Variants in DNAH2 observed in about 807,000 individuals in gnomAD.
DNAH2 encodes axonemal beta dynein heavy chain 2.
Under a neutral mutation model 523.5 loss-of-function variants are expected in DNAH2, and 323 were observed. That is an observed-to-expected ratio of 0.62 (90% confidence interval 0.56 to 0.68). The LOEUF (loss-of-function observed/expected upper bound fraction) is 0.68, where lower values mean the gene tolerates loss of function less well. DNAH2 is among the 30% of genes least tolerant of loss of function. DNAH2 has a pLI of 0.00. For missense variants in DNAH2, 4,907 were observed against 5,701.5 expected, an observed-to-expected ratio of 0.86 and a Z score of 4.49; for synonymous variants, 2,093 against 2,177.4, an observed-to-expected ratio of 0.96 and a Z score of 1.08.
chr17:7,733,873 G>T (rs376824928), intron 5 of DNAH2, among the ~76,000 whole-genome samples: 3 of 152,106 alleles, frequency 2.0e-5, no homozygotes, highest in African/African-American at 4.8e-5. Flanking sequence ...AAGCACATGT[G>T]GGGGAAAGGG....
chr17:7,777,011 C>G (rs1394906291), intron 32 of DNAH2, 122 bp downstream of exon 32: 1 of 716,784 alleles, frequency 1.4e-6, no homozygotes, highest in African/African-American at 1.8e-5. Context: ...TGGCGAAACC[C>G]CTTCTTTACC....
intron 18 of DNAH2, among the ~76,000 whole-genome samples, chr17:7,761,929 G>A (rs527275766): frequency 2.0e-5 from 3 of 151,926 alleles, no homozygotes. Context: ...AAAGAAATGA[G>A]CAAGTTCTTT....
chr17:7,740,993 G>A lies in DNAH2; in HGVS notation c.1689+1G>A. 4 of 1,594,988 alleles carry A rather than the reference G, an allele frequency of 2.5e-6. No individual in the cohort carries two copies. In the African/African-American group the frequency reaches 4.0e-5, roughly 16 times the overall value. On this transcript the variant is annotated splice_donor_variant, in intron 11 of 85. Coordinates refer to ENST00000572933, the MANE Select transcript of DNAH2 (RefSeq NM_020877.5). LOFTEE classifies it high-confidence loss of function. Reference sequence around the variant, plus strand: ...GCGTCGCATCGACAGAGTCATGACCGTAAGTGCCTGGCCTTCTCCATATTC... The same window carrying A: ...GCGTCGCATCGACAGAGTCATGACCATAAGTGCCTGGCCTTCTCCATATTC...
chr17:7,727,068 AATG>A, intron 3 of DNAH2, 51 bp from the exon 4 acceptor site: 1 of 1,480,368 alleles, frequency 6.8e-7, no homozygotes, highest in Non-Finnish European at 8.9e-7. Flanking sequence ...GGATGGGAGG[AATG>A]ACTCATCCTG....
At position 7,774,945 on chromosome 17, in the gene DNAH2, T is replaced by A. The variant is rs2076408514; in HGVS notation, c.4688T>A (p.Phe1563Tyr). Residue 1563 changes from phenylalanine to tyrosine, a missense_variant, in exon 29 of 86, where the codon TTT becomes TAT. Physicochemically the swap from Phe to Tyr is conservative, Grantham distance 22. This residue lies in a region of DNAH2 where 2,806 missense variants were observed against 3,190.8 expected (regional missense o/e 0.88). Transcript: ENST00000572933. ...GTGCAGCCACACCTCAAAAAATGCT[T>A]TGACAACATCAAGTTGCTGAGAATC... ...EAVQPHLKKCFDNIKLLRIQK... is the reference protein window; with the variant it reads ...EAVQPHLKKCYDNIKLLRIQK... The A allele has an allele frequency of 1.2e-6, 2 of 1,614,096 alleles. No individual in the cohort carries two copies. Among genetic ancestry groups the A allele is most frequent in the East Asian group, 4.5e-5 (2 of 44,886 alleles).
intron 12 of DNAH2, 148 bp downstream of exon 12, chr17:7,743,290 TTC>T (rs780852317): frequency 4.9e-5 from 45 of 923,540 alleles, no homozygotes; most frequent in Admixed American, 6.1e-5. Flanking sequence ...TTTTTTTTTC[TTC>T]TTTTATTTTT....
At chr17:7,737,934 G>T in intron 8 of DNAH2, 1 of 701,640 alleles carries the variant, frequency 1.4e-6, no homozygotes, top group South Asian at 1.5e-5. Context: ...AGGAGGTGGG[G>T]ACAGAGGCTG....
rs774798481 is a variant in DNAH2, at chr17:7,807,512, C to T, written c.9655C>T (p.Arg3219Ter). 9.3e-6 allele frequency: 15 copies of T among 1,613,518 alleles called. No homozygotes were observed. The highest frequency in any genetic ancestry group is 1.6e-4 in the Middle Eastern group (1 of 6,062). Residue 3219 changes from arginine (R) to a stop codon, truncating the protein, a stop_gained, in exon 63 of 86, where the codon CGA (arginine) becomes TGA (stop). Transcript: ENST00000572933. LOFTEE classifies it high-confidence loss of function. The surrounding 1 kb of genome is among the most constrained non-coding windows in gnomAD (Gnocchi z 5.6). ...TCGGGTGGTGGAGCCCAAGCGAATC[C>T]GAATGAACGCTGCCTTGGCTCAGCT... ...LYRVVEPKRI[R>*]MNAALAQLRE...
rs2077764464 is a variant in DNAH2 at position 7,818,843 on chromosome 17, C to T, written c.10670+67C>T. 5 of 1,609,682 alleles carry T rather than the reference C, an allele frequency of 3.1e-6. No homozygotes were observed. In the Admixed American group the frequency reaches 8.4e-5, roughly 27 times the overall value. ...TCCCAGCCAGCCTCCACCCAGTCTACCCCAGGCACAACAGCATCCCAGGGA... is the reference window on the plus strand; with the variant it reads ...TCCCAGCCAGCCTCCACCCAGTCTATCCCAGGCACAACAGCATCCCAGGGA... On this transcript the variant is annotated intron_variant, in intron 70 of 85. Coordinates refer to ENST00000572933, the MANE Select transcript of DNAH2 (RefSeq NM_020877.5).
intron 11 of DNAH2, among the ~76,000 whole-genome samples, chr17:7,742,128 A>C (rs2075372078): frequency 6.6e-6 from 1 of 151,356 alleles, no homozygotes; most frequent in Admixed American, 6.6e-5. Context: ...ACAGAAAAAC[A>C]TTGTTTTAAA....
Position 7,833,119 on chromosome 17 carries a change from C to G in DNAH2, c.13027C>G (p.Arg4343Gly). ...GLYLEGAGWD[R>G]KNSCLVEAEP... The stretch of plus-strand genomic sequence containing the variant: ...GTACCTGGAAGGTGCTGGCTGGGAC[C>G]GGAAGAACTCCTGCTTGGTGGAGGC... The change falls in exon 85 of 86, where the codon CGG (arginine) becomes GGG (glycine). Residue 4343 changes from arginine (R) to glycine (G), a missense_variant. By Grantham distance (125) the Arg-to-Gly change is moderately radical. This residue lies in a region of DNAH2 where 1,851 missense variants were observed against 2,139.4 expected (regional missense o/e 0.87). Coordinates refer to ENST00000572933, the MANE Select transcript of DNAH2 (RefSeq NM_020877.5). 6.2e-7 allele frequency: 1 copy of G among 1,612,762 alleles called. No individual in the cohort carries two copies. Among genetic ancestry groups the G allele is most frequent in the Non-Finnish European group, 8.5e-7 (1 of 1,180,020 alleles).
chr17:7,816,625 AAGG>A lies in DNAH2; in HGVS notation c.9790_9792del (p.Glu3264del). 6 of 1,614,206 alleles carry A rather than the reference AAGG, an allele frequency of 3.7e-6. No individual in the cohort carries two copies. The highest frequency in any genetic ancestry group is 5.1e-6 in the Non-Finnish European group (6 of 1,180,030). ...ACAGTATGATGAGAAGCTGGCACAG[AAGG>A]AGGAGCTTCGCAAGAAGTCTGAAGA... On this transcript the variant is annotated inframe_deletion, in exon 64 of 86. Transcript: ENST00000572933.
chr17:7,809,854 AAGC>A (rs1168978002), intron 63 of DNAH2, among the ~76,000 whole-genome samples: 9 of 151,620 alleles, frequency 5.9e-5, no homozygotes, highest in South Asian at 2.1e-4. Flanking sequence ...AAAAAAAAAA[AAGC>A]AGCAGCAGCA....
At chr17:7,720,366 G>C (rs2074564415) in intron 2 of DNAH2, among the ~76,000 whole-genome samples, 1 of 152,156 alleles carries the variant, frequency 6.6e-6, no homozygotes, top group Admixed American at 6.5e-5. Flanking sequence ...ACCATCTGTT[G>C]AGGGCTGTTC....
intron 74 of DNAH2, 61 bp downstream of exon 74, chr17:7,823,689 G>A (rs2077932196): frequency 6.9e-6 from 11 of 1,590,660 alleles, no homozygotes; most frequent in Non-Finnish European, 9.4e-6. Flanking sequence ...CCACATGCCG[G>A]CCCTTCCCAT....
intron 44 of DNAH2, among the ~76,000 whole-genome samples, chr17:7,789,139 A>G (rs1276687930): frequency 2.6e-5 from 4 of 151,748 alleles, no homozygotes; most frequent in Non-Finnish European, 5.9e-5. Context: ...ACTCCAGCCT[A>G]GGCAAGACAG....
intron 63 of DNAH2, among the ~76,000 whole-genome samples, chr17:7,814,164 G>A (rs1328665154): frequency 8.3e-6 from 1 of 120,880 alleles, no homozygotes; most frequent in Non-Finnish European, 1.6e-5. Context: ...TTTGATTTAT[G>A]TAAATATATT....
At chr17:7,741,914 T>A (rs1324519078) in intron 11 of DNAH2, among the ~76,000 whole-genome samples, 1 of 143,386 alleles carries the variant, frequency 7.0e-6, no homozygotes, top group Admixed American at 7.0e-5. Flanking sequence ...CCACCCACCT[T>A]GGCCTCCCAA....
chr17:7,736,489 A>G (rs1162320967), intron 7 of DNAH2, among the ~76,000 whole-genome samples: 1 of 152,198 alleles, frequency 6.6e-6, no homozygotes, highest in Non-Finnish European at 1.5e-5. Flanking sequence ...GAAAACAGAC[A>G]CAAAATCTAG....
Sources: allele counts gnomAD v4.1 joint callset (sites outside exome capture counted in the v4.1 genomes callset), GRCh38; gene constraint gnomAD v4.1.1; regional missense constraint gnomAD v4.1.1; non-coding constraint Gnocchi (gnomAD v3.1); transcripts MANE v1.5; gene names NCBI Gene and HGNC (gene_info 2026-07-23, HGNC 2026-07-21).